The following GRHL3 variants were observed in gnomAD, a reference collection of about 807,000 sequenced individuals.
The protein encoded by GRHL3 is grainyhead-like protein 3 homolog.
A neutral mutation model predicts 70.3 loss-of-function variants in GRHL3; 20 were observed. The ratio of observed to expected loss-of-function variants is 0.28; its 90% confidence interval spans 0.20 to 0.41. GRHL3 has a LOEUF of 0.41. GRHL3 is among the 10% of genes least tolerant of loss of function. GRHL3 has a pLI of 1.00. For synonymous variants in GRHL3, 299 were observed against 299.9 expected (o/e 1.00, Z 0.03); for missense variants, 637 against 762.3 (o/e 0.84, Z 1.94).
At position 24,347,569 on chromosome 1, in the gene GRHL3, A is replaced by C; in HGVS notation, c.1629+16A>C. 6.3e-7 allele frequency: 1 copy of C among 1,597,442 alleles called. No individual in the cohort carries two copies. Among genetic ancestry groups the C allele is most frequent in the East Asian group, 2.2e-5 (1 of 44,804 alleles). Reference sequence around the variant, plus strand: ...GAGGAATGCGGTAAGCTGCCTGTGGACCCCGCCCCCCATGGCAGACCCCCT... The same window carrying C: ...GAGGAATGCGGTAAGCTGCCTGTGGCCCCCGCCCCCCATGGCAGACCCCCT... On this transcript the variant is annotated intron_variant, in intron 14 of 15. Coordinates refer to ENST00000361548, the MANE Select transcript of GRHL3 (RefSeq NM_198173.3).
At chr1:24,333,943 T>C (rs1639701421) in intron 2 of GRHL3, among the ~76,000 whole-genome samples, 1 of 152,250 alleles carries the variant, frequency 6.6e-6, no homozygotes, top group Admixed American at 6.5e-5. Context: ...GTAGGTATTA[T>C]AACCACTCAC....
intron 13 of GRHL3, among the ~76,000 whole-genome samples, chr1:24,346,957 G>A (rs1482381399): frequency 6.6e-6 from 1 of 152,092 alleles, no homozygotes; most frequent in Admixed American, 6.5e-5. Flanking sequence ...TGGGAGAAGG[G>A]TGGGGTTTTG....
downstream of GRHL3, among the ~76,000 whole-genome samples, chr1:24,359,809 A>G (rs534711455): frequency 6.6e-6 from 1 of 152,368 alleles, no homozygotes; most frequent in South Asian, 2.1e-4. This position sits in a 1 kb window ranked among gnomAD's most constrained non-coding sequence, Gnocchi z 5.3. Context: ...GGTAATAGCG[A>G]AAGCGCTCTA....
chr1:24,330,793 G>A (rs200639813), intron 1 of GRHL3, among the ~76,000 whole-genome samples: 5 of 152,168 alleles, frequency 3.3e-5, no homozygotes, highest in South Asian at 4.1e-4. Flanking sequence ...ACCAGTACCC[G>A]GGTCCTTCCT....
intron 8 of GRHL3, 141 bp downstream of exon 8, chr1:24,339,903 T>C (rs1003174201): frequency 2.1e-5 from 11 of 520,396 alleles, no homozygotes; most frequent in African/African-American, 1.3e-4. Context: ...CAGTGTAGTA[T>C]GGAAGCTTGG....
At chr1:24,348,355 G>A (rs1442640125) in intron 14 of GRHL3, among the ~76,000 whole-genome samples, 2 of 152,166 alleles carry the variant, frequency 1.3e-5, no homozygotes, top group Admixed American at 6.5e-5. Context: ...GAGAGGTCAG[G>A]TGACTTGCCA....
exon 16 of GRHL3, chr1:24,364,373 A>G (rs1443848268): frequency 6.5e-7 from 1 of 1,536,914 alleles, no homozygotes; most frequent in Admixed American, 2.0e-5. Context: ...TCGGAATGAC[A>G]CACCCACCTG....
chr1:24,363,549 C>T (rs1641259840), intron 15 of GRHL3, among the ~76,000 whole-genome samples: 1 of 152,232 alleles, frequency 6.6e-6, no homozygotes. Flanking sequence ...AGGCTCTTAA[C>T]CTCCTTAAGC....
Position 24,342,808 on chromosome 1 carries a change from G to A in GRHL3, c.1285+36G>A. The A allele has an allele frequency of 6.2e-7, 1 of 1,613,828 alleles. No individual in the cohort carries two copies. Among genetic ancestry groups the A allele is most frequent in the Non-Finnish European group, 8.5e-7 (1 of 1,179,698 alleles). ...ATCCAGGGCCTGGGTGGGCTCGGCTGGCGTGAAGGGGAGAAGGAGACCAGA... is the reference window on the plus strand; with the variant it reads ...ATCCAGGGCCTGGGTGGGCTCGGCTAGCGTGAAGGGGAGAAGGAGACCAGA... On this transcript the variant is annotated intron_variant, in intron 10 of 15. Coordinates refer to ENST00000361548, the MANE Select transcript of GRHL3 (RefSeq NM_198173.3). This position sits in a 1 kb window ranked among gnomAD's most constrained non-coding sequence, Gnocchi z 4.8.
intron 15 of GRHL3, among the ~76,000 whole-genome samples, chr1:24,363,590 A>G (rs486575): frequency 0.46 from 70,474 of 152,068 alleles, 17,144 homozygotes; most frequent in East Asian, 0.83. Flanking sequence ...AACAGTGGAA[A>G]TAATACCTAC....
intron 15 of GRHL3, among the ~76,000 whole-genome samples, chr1:24,363,708 AAGAGAC>A (rs1158832574): frequency 6.6e-6 from 1 of 152,210 alleles, no homozygotes; most frequent in Non-Finnish European, 1.5e-5. Context: ...AGCAGAGAGA[AAGAGAC>A]AGAGACAGAG....
chr1:24,346,352 C>T (rs1402104963), intron 12 of GRHL3, among the ~76,000 whole-genome samples: 5 of 152,218 alleles, frequency 3.3e-5, no homozygotes, highest in Admixed American at 3.3e-4. Context: ...CCAGGTCACA[C>T]ACCTAGTGCG....
intron 1 of GRHL3, chr1:24,319,851 A>C (rs1639113701): frequency 1.2e-6 from 1 of 825,386 alleles, no homozygotes; most frequent in African/African-American, 1.7e-5. Flanking sequence ...TTCTGGCACC[A>C]CTTTTTGATC....
At chr1:24,345,989 G>A (rs961174786) in intron 12 of GRHL3, among the ~76,000 whole-genome samples, 56 of 152,176 alleles carry the variant, frequency 3.7e-4, no homozygotes, top group African/African-American at 1.3e-3. Context: ...AGTTAGGCAA[G>A]CAGGGTTATT....
chr1:24,364,445 C>T (rs1013067741), exon 16 of GRHL3: 1 of 1,441,532 alleles, frequency 6.9e-7, no homozygotes, highest in Admixed American at 2.9e-5. Context: ...GAGTATGTGG[C>T]CCCTGAATAC....
At chr1:24,341,497 C>A (rs1427155714) in intron 8 of GRHL3, among the ~76,000 whole-genome samples, 1 of 152,180 alleles carries the variant, frequency 6.6e-6, no homozygotes, top group Non-Finnish European at 1.5e-5. Context: ...GGAACGGCAG[C>A]AATTATAGCC....
At chr1:24,331,825 C>A (rs1419190183) in intron 2 of GRHL3, among the ~76,000 whole-genome samples, 1 of 152,234 alleles carries the variant, frequency 6.6e-6, no homozygotes, top group Non-Finnish European at 1.5e-5. Context: ...CATTCATTCA[C>A]TGGAGAGGAG....
chr1:24,356,212 T>C (rs182488468), downstream of GRHL3, among the ~76,000 whole-genome samples: 38 of 150,934 alleles, frequency 2.5e-4, no homozygotes, highest in African/African-American at 8.3e-4. Flanking sequence ...TTTTGTCTCT[T>C]TTAGATCAGT....
At chr1:24,350,799 T>C (rs573034050) in intron 15 of GRHL3, among the ~76,000 whole-genome samples, 1 of 152,328 alleles carries the variant, frequency 6.6e-6, no homozygotes, top group South Asian at 2.1e-4. Context: ...GGAATAAAGC[T>C]GTACCCTCCA....
Sources: gnomAD v4.1 joint callset for allele counts (sites outside exome capture counted in the v4.1 genomes callset) on GRCh38, gnomAD v4.1.1 for gene constraint, Gnocchi (gnomAD v3.1) non-coding constraint, MANE v1.5 for transcripts, NCBI Gene and HGNC (gene_info 2026-07-23, HGNC 2026-07-21) for gene names.